Variants in PARD3B observed in about 807,000 individuals in gnomAD.
PARD3B encodes the protein par-3 family cell polarity regulator beta, also known as partitioning defective 3 homolog B.
In PARD3B, 103 loss-of-function variants were observed where a neutral mutation model predicts 130.2. That is an observed-to-expected ratio of 0.79 (90% CI 0.67 to 0.93). The LOEUF is 0.93. PARD3B is among the 40% of genes least tolerant of loss of function. The pLI, the probability that PARD3B is intolerant of heterozygous loss-of-function variation, is 0.00. For synonymous variants in PARD3B, 583 were observed against 553.2 expected, an observed-to-expected ratio of 1.05 and a Z score of -0.76; for missense variants, 1,609 against 1,499.2, an observed-to-expected ratio of 1.07 and a Z score of -1.21.
intron 18 of PARD3B, among the ~76,000 whole-genome samples, chr2:205,369,371 C>T (rs995571921): frequency 6.6e-6 from 1 of 152,192 alleles, no homozygotes; most frequent in Non-Finnish European, 1.5e-5. Flanking sequence ...GGTCTACCTC[C>T]ACCCAGCATC....
At chr2:205,315,060 G>A (rs1477779897) in intron 18 of PARD3B, among the ~76,000 whole-genome samples, 1 of 152,056 alleles carries the variant, frequency 6.6e-6, no homozygotes, top group South Asian at 2.1e-4. Flanking sequence ...TAACTGATTT[G>A]CCTGCTTTAT....
rs552139256 is a variant in PARD3B at position 205,395,787 on chromosome 2, G to A, written c.2631-5226G>A. Among the ~76,000 whole-genome samples, 5 of 152,252 alleles carry A rather than the reference G, an allele frequency of 3.3e-5. No homozygotes were observed. The East Asian group carries it at 9.7e-4, about 29-fold the overall frequency. On this transcript the variant is annotated intron_variant, in intron 18 of 22. Coordinates refer to ENST00000406610, the MANE Select transcript of PARD3B (RefSeq NM_001302769.2). ...CTTTTACTTGCTGCTTTTTACTTCA[G>A]CATCAGGATGGTCTTTTTAAAATAT...
intron 2 of PARD3B, among the ~76,000 whole-genome samples, chr2:204,718,573 C>T (rs2038849133): frequency 6.6e-6 from 1 of 152,128 alleles, no homozygotes; most frequent in Admixed American, 6.5e-5. Context: ...GTGGGGATTA[C>T]AATTTGAGAT....
chr2:204,840,240 G>A (rs767634015), intron 2 of PARD3B, among the ~76,000 whole-genome samples: 8 of 152,064 alleles, frequency 5.3e-5, no homozygotes, highest in Non-Finnish European at 1.0e-4. Flanking sequence ...AAAATCAGAA[G>A]CATTTCCAAA....
At chr2:205,184,184 A>G (rs1189236186) in intron 13 of PARD3B, among the ~76,000 whole-genome samples, 1 of 152,138 alleles carries the variant, frequency 6.6e-6, no homozygotes, top group Non-Finnish European at 1.5e-5. Flanking sequence ...TCCCAGAATA[A>G]TATCTAGGTA....
In PARD3B at chr2:204,714,110, A is replaced by T. The variant is rs76533904; in HGVS notation, c.222+27828A>T. ...CCTGTATCTGTGATTCTTGTCCTGTACTACAGGGTTAATCTTAGCTTTCCT... is the reference window on the plus strand; with the variant it reads ...CCTGTATCTGTGATTCTTGTCCTGTTCTACAGGGTTAATCTTAGCTTTCCT... On this transcript the variant is annotated intron_variant, in intron 2 of 22. Coordinates refer to ENST00000406610, the MANE Select transcript of PARD3B (RefSeq NM_001302769.2). Among the ~76,000 whole-genome samples, 1,837 of 152,268 alleles carry T rather than the reference A, an allele frequency of 0.012. 73 individuals are homozygous for T. The East Asian group carries it at 0.14, about 12-fold the overall frequency.
At chr2:205,365,019 G>T (rs971943476) in intron 18 of PARD3B, among the ~76,000 whole-genome samples, 1 of 151,962 alleles carries the variant, frequency 6.6e-6, no homozygotes, top group Non-Finnish European at 1.5e-5. Flanking sequence ...GGGCAAGATG[G>T]TGAAACCCCG....
At chr2:204,868,395 A>G (rs1346100678) in intron 2 of PARD3B, among the ~76,000 whole-genome samples, 1 of 152,202 alleles carries the variant, frequency 6.6e-6, no homozygotes, top group Non-Finnish European at 1.5e-5. Flanking sequence ...TAATTTACAT[A>G]TGTTCCCAGT....
At chr2:205,551,882 T>C (rs2052661326) in intron 21 of PARD3B, among the ~76,000 whole-genome samples, 1 of 152,190 alleles carries the variant, frequency 6.6e-6, no homozygotes, top group African/African-American at 2.4e-5. Context: ...CCTTCCCACC[T>C]GATAGTCCAA....
chr2:204,897,267 TAAAATTGCCC>T (rs991837220), intron 2 of PARD3B, among the ~76,000 whole-genome samples: 1 of 152,096 alleles, frequency 6.6e-6, no homozygotes, highest in Non-Finnish European at 1.5e-5. Flanking sequence ...TAGACCTTAG[TAAAATTGCCC>T]TGAATCAATG....
At chr2:204,721,581 A>G (rs574962386) in intron 2 of PARD3B, among the ~76,000 whole-genome samples, 1 of 152,252 alleles carries the variant, frequency 6.6e-6, no homozygotes, top group South Asian at 2.1e-4. Flanking sequence ...TTTGACCTGA[A>G]TGTTATGGCA....
chr2:205,553,907 C>T (rs10165586), intron 22 of PARD3B, among the ~76,000 whole-genome samples: 72,670 of 151,496 alleles, frequency 0.48, 19,110 homozygotes, highest in Middle Eastern at 0.7. Flanking sequence ...ACAGACCCAA[C>T]GGGGGAAAGA....
chr2:205,257,728 T>C (rs2040149546), intron 16 of PARD3B, among the ~76,000 whole-genome samples: 1 of 152,232 alleles, frequency 6.6e-6, no homozygotes, highest in Admixed American at 6.5e-5. Flanking sequence ...TATAAAATGC[T>C]ATATGAAAAT....
intron 2 of PARD3B, among the ~76,000 whole-genome samples, chr2:204,958,068 C>G (rs1690424285): frequency 6.6e-6 from 1 of 152,062 alleles, no homozygotes; most frequent in Admixed American, 6.6e-5. Context: ...GTTCACTTGA[C>G]ATGTAATTAA....
At position 204,834,752 on chromosome 2, in the gene PARD3B, A is replaced by G. The variant is rs1021418979; in HGVS notation, c.223-130400A>G. On this transcript the variant is annotated intron_variant, in intron 2 of 22. Coordinates refer to ENST00000406610, the MANE Select transcript of PARD3B (RefSeq NM_001302769.2). ...GGGAGAGGAAATTTCTTCTACCCCT[A>G]TCCTCCCATAGTTCAGCAGCAGAGT... Among the ~76,000 whole-genome samples, 4 of 152,198 alleles carry G rather than the reference A, an allele frequency of 2.6e-5. No homozygotes were observed. The South Asian group carries it at 8.3e-4, about 31-fold the overall frequency.
intron 19 of PARD3B, among the ~76,000 whole-genome samples, chr2:205,427,385 T>C (rs1020454628): frequency 6.6e-6 from 1 of 152,212 alleles, no homozygotes; most frequent in South Asian, 2.1e-4. Flanking sequence ...GCATGACTCG[T>C]TAAATAAACA....
At chr2:205,517,776 A>T (rs372657154) in intron 21 of PARD3B, among the ~76,000 whole-genome samples, 24 of 152,224 alleles carry the variant, frequency 1.6e-4, no homozygotes, top group African/African-American at 5.5e-4. Flanking sequence ...AGATTCTGGT[A>T]TGTTGTGTTT....
intron 19 of PARD3B, among the ~76,000 whole-genome samples, chr2:205,406,946 G>A (rs761071602): frequency 2.6e-5 from 4 of 152,136 alleles, no homozygotes; most frequent in African/African-American, 4.8e-5. Context: ...TGGGATTACA[G>A]GCATAAGCCA....
At chr2:205,255,623 C>T (rs1476667997) in intron 16 of PARD3B, among the ~76,000 whole-genome samples, 1 of 152,126 alleles carries the variant, frequency 6.6e-6, no homozygotes, top group Admixed American at 6.5e-5. Flanking sequence ...CATGACTCTC[C>T]TCAGGTTCAA....
Sources: allele counts gnomAD v4.1 joint callset (sites outside exome capture counted in the v4.1 genomes callset), GRCh38; gene constraint gnomAD v4.1.1; transcripts MANE v1.5; gene names NCBI Gene and HGNC (gene_info 2026-07-23, HGNC 2026-07-21).